The following TASOR2 variants were observed in gnomAD, a reference collection of about 807,000 sequenced individuals.
The protein encoded by TASOR2 is transcription activation suppressor family member 2.
In TASOR2, 84 loss-of-function variants were observed where a neutral mutation model predicts 199.5. That is an observed-to-expected ratio of 0.42 (90% CI 0.35 to 0.50). The LOEUF is 0.50. TASOR2 is among the 20% of genes least tolerant of loss of function. The probability of loss-of-function intolerance (pLI) is 0.02; values close to 1 mark genes in which losing one functional copy is unlikely to be tolerated. For missense variants in TASOR2, 2,796 were observed against 2,835.9 expected (o/e 0.99, Z 0.32); for synonymous variants, 1,103 against 1,046.6 (o/e 1.05, Z -1.04).
chr10:5,730,884 T>C lies in TASOR2; in HGVS notation c.885T>C (p.Cys295=). The change falls in exon 11 of 21, where the codon TGT becomes TGC. Residue 295 remains cysteine (C), a synonymous_variant. Coordinates refer to ENST00000328090, the Ensembl canonical transcript of TASOR2. The surrounding 1 kb of genome is among the most constrained non-coding windows in gnomAD (Gnocchi z 4.1). Reference sequence around the variant, plus strand: ...CTCCTTGTGTTTCAGACGGAATTTGTGATGCTGGATTTTCCTTAGTTATGA... The same window carrying C: ...CTCCTTGTGTTTCAGACGGAATTTGCGATGCTGGATTTTCCTTAGTTATGA... 3 of 1,614,238 alleles carry C rather than the reference T, an allele frequency of 1.9e-6. No individual in the cohort carries two copies. Among genetic ancestry groups the C allele is most frequent in the Non-Finnish European group, 2.5e-6 (3 of 1,180,050 alleles).
intron 10 of TASOR2, among the ~76,000 whole-genome samples, chr10:5,728,356 G>A (rs1834332179): frequency 6.6e-6 from 1 of 152,092 alleles, no homozygotes; most frequent in Admixed American, 6.5e-5. Flanking sequence ...TTCAGTTACT[G>A]GCTAGGCAGG....
intron 18 of TASOR2, among the ~76,000 whole-genome samples, chr10:5,759,590 T>C (rs530226724): frequency 1.3e-5 from 2 of 152,356 alleles, no homozygotes; most frequent in South Asian, 4.1e-4. Context: ...GGTGCATCCA[T>C]TTTCATTCAG....
chr10:5,713,865 G>A, intron 2 of TASOR2: 1 of 233,944 alleles, frequency 4.3e-6, no homozygotes, highest in Non-Finnish European at 8.1e-6. Flanking sequence ...TTTTCTTTGT[G>A]CCCCGAATAC....
chr10:5,695,867 G>A (rs1306303199), intron 1 of TASOR2, among the ~76,000 whole-genome samples: 2 of 152,096 alleles, frequency 1.3e-5, no homozygotes, highest in Non-Finnish European at 1.5e-5. Context: ...TTAGGAATTG[G>A]GGGTATCAAG....
chr10:5,696,200 G>A lies in TASOR2; in HGVS notation c.-288+11025G>A, dbSNP rs562782306. 1.9e-3 allele frequency among the ~76,000 whole-genome samples: 284 copies of A among 152,196 alleles called. 1 individual carries two copies. Among genetic ancestry groups the A allele is most frequent in the African/African-American group, 6.4e-3 (264 of 41,520 alleles). ...ACGTGCCCCTCAACAAAACATTAACGGATTCTTAGCTGGGGAAACTTACCA... is the reference window on the plus strand; with the variant it reads ...ACGTGCCCCTCAACAAAACATTAACAGATTCTTAGCTGGGGAAACTTACCA... On this transcript the variant is annotated intron_variant, in intron 1 of 20. Coordinates refer to ENST00000328090, the Ensembl canonical transcript of TASOR2.
At chr10:5,704,605 T>C (rs1341837154) in intron 1 of TASOR2, among the ~76,000 whole-genome samples, 1 of 152,160 alleles carries the variant, frequency 6.6e-6, no homozygotes, top group African/African-American at 2.4e-5. Context: ...TTAATTAATA[T>C]CTGATCTTCT....
At chr10:5,703,359 A>G (rs2131525663) in intron 1 of TASOR2, among the ~76,000 whole-genome samples, 1 of 152,252 alleles carries the variant, frequency 6.6e-6, no homozygotes, top group African/African-American at 2.4e-5. Context: ...AATAAGGCAT[A>G]GGTTTTTTTA....
chr10:5,697,742 T>A (rs1484293755), intron 1 of TASOR2, among the ~76,000 whole-genome samples: 1 of 151,958 alleles, frequency 6.6e-6, no homozygotes, highest in Non-Finnish European at 1.5e-5. Context: ...TAAAGAAACA[T>A]GACAAGTGCC....
rs1835934181 is a variant in TASOR2 at position 5,738,560 on chromosome 10, T to C, written c.1448-1058T>C. Among the ~76,000 whole-genome samples, 1 of 152,210 alleles carries C rather than the reference T, an allele frequency of 6.6e-6. No individual in the cohort carries two copies. Among genetic ancestry groups the C allele is most frequent in the Admixed American group, 6.5e-5 (1 of 15,276 alleles). ...GCTGTTTTAAATAAAAACTGGGCAG[T>C]CGTTGATCAGTTTAACCCTTTCCCC... On this transcript the variant is annotated intron_variant, in intron 12 of 20. Transcript: ENST00000328090. This position sits in a 1 kb window ranked among gnomAD's most constrained non-coding sequence, Gnocchi z 4.7.
chr10:5,703,861 A>G (rs1838229172), intron 1 of TASOR2, among the ~76,000 whole-genome samples: 1 of 151,958 alleles, frequency 6.6e-6, no homozygotes, highest in Non-Finnish European at 1.5e-5. Flanking sequence ...TTACCTTAAA[A>G]TGTTCTTTTA....
intron 19 of TASOR2, 100 bp downstream of exon 20, chr10:5,761,571 G>C: frequency 9.6e-7 from 1 of 1,036,862 alleles, no homozygotes; most frequent in South Asian, 1.6e-5. Context: ...TATCTAAATG[G>C]CTTGGCATCC....
intron 12 of TASOR2, among the ~76,000 whole-genome samples, chr10:5,736,298 A>C (rs1334868692): frequency 1.3e-5 from 2 of 151,980 alleles, no homozygotes. Context: ...CATGCCTGTA[A>C]TCCCAGCTAC....
intron 19 of TASOR2, chr10:5,761,696 T>C (rs1284476693): frequency 9.4e-6 from 5 of 533,652 alleles, no homozygotes; most frequent in South Asian, 4.8e-5. Context: ...AGATTACTTA[T>C]AATACTCAAT....
Position 5,748,140 on chromosome 10 carries a change from A to T in TASOR2, c.4719A>T (p.Glu1573Asp). The T allele has an allele frequency of 8.1e-6, 13 of 1,614,094 alleles. No individual in the cohort carries two copies. The highest frequency in any genetic ancestry group is 1.1e-5 in the Non-Finnish European group (13 of 1,180,016). Residue 1573 changes from glutamate (E) to aspartate (D), a missense_variant, in exon 15 of 21, where the codon GAA (glutamate) becomes GAT (aspartate). Transcript: ENST00000328090. The surrounding 1 kb of genome is among the most constrained non-coding windows in gnomAD (Gnocchi z 5.1). Reference sequence around the variant, plus strand: ...AACATCTTGTCTTGGAGTCCAGTGAACCTCCATTTGGTCCTAGAAATGTTA... The same window carrying T: ...AACATCTTGTCTTGGAGTCCAGTGATCCTCCATTTGGTCCTAGAAATGTTA...
rs928227310 is a variant in TASOR2 at position 5,750,569 on chromosome 10, C to T, written c.6606+542C>T. 9.2e-5 allele frequency among the ~76,000 whole-genome samples: 14 copies of T among 152,082 alleles called. No homozygotes were observed. Among genetic ancestry groups the T allele is most frequent in the Non-Finnish European group, 1.8e-4 (12 of 68,010 alleles). On this transcript the variant is annotated intron_variant, in intron 15 of 20. Coordinates refer to ENST00000328090, the Ensembl canonical transcript of TASOR2. This position sits in a 1 kb window ranked among gnomAD's most constrained non-coding sequence, Gnocchi z 5.4. ...TTCACCATTAACTTCATTGTTTTAT[C>T]CTCCCAGAATTTATTTCTCTTCTAT... is the stretch of plus-strand genomic sequence containing the variant.
intron 14 of TASOR2, among the ~76,000 whole-genome samples, chr10:5,745,940 T>C (rs1837126726): frequency 1.3e-5 from 2 of 152,178 alleles, no homozygotes; most frequent in African/African-American, 4.8e-5. Flanking sequence ...AGCTTGGAGC[T>C]CTCTTCTGTG....
At chr10:5,714,266 A>C in intron 2 of TASOR2, 59 bp downstream of exon 3, 1 of 1,043,654 alleles carries the variant, frequency 9.6e-7, no homozygotes, top group African/African-American at 1.6e-5. Flanking sequence ...AGATGAAGTG[A>C]GGTTTCATTA....
At position 5,742,031 on chromosome 10, in the gene TASOR2, G is replaced by T; in HGVS notation, c.2328-66G>T. 1 of 1,488,742 alleles carries T rather than the reference G, an allele frequency of 6.7e-7. No individual in the cohort carries two copies. Among genetic ancestry groups the T allele is most frequent in the Non-Finnish European group, 9.2e-7 (1 of 1,089,192 alleles). 92.2% of individuals were successfully genotyped at this position (1,488,742 alleles called of 1,614,324 possible). On this transcript the variant is annotated intron_variant, in intron 13 of 20. Transcript: ENST00000328090. This position sits in a 1 kb window ranked among gnomAD's most constrained non-coding sequence, Gnocchi z 4.2. The stretch of plus-strand genomic sequence containing the variant: ...AGGAATATTGGAGGCACTTGCTTAT[G>T]ATAAGGTAATCAACTAAAATAACCA...
At chr10:5,709,647 GT>G in intron 1 of TASOR2, 1 of 1,231,004 alleles carries the variant, frequency 8.1e-7, no homozygotes, top group East Asian at 3.2e-5. Flanking sequence ...TCGAGACAGG[GT>G]CCCTATCAGA....
Sources: gnomAD v4.1 joint callset for allele counts (sites outside exome capture counted in the v4.1 genomes callset) on GRCh38, gnomAD v4.1.1 for gene constraint, Gnocchi (gnomAD v3.1) non-coding constraint, MANE v1.5 for transcripts, NCBI Gene and HGNC (gene_info 2026-07-23, HGNC 2026-07-21) for gene names.